Variants in AK4 observed in about 807,000 individuals in gnomAD.
AK4 encodes adenylate kinase 4, mitochondrial.
Under a neutral mutation model 24.6 loss-of-function variants are expected in AK4, and 13 were observed. That is an observed-to-expected ratio of 0.53 (90% CI 0.34 to 0.84). AK4 has a LOEUF of 0.84. Among genes scored for constraint, AK4 ranks in the 40% least tolerant of loss-of-function variants. The probability of loss-of-function intolerance (pLI) is 0.01; values close to 1 mark genes in which losing one functional copy is unlikely to be tolerated. For missense variants in AK4, 192 were observed against 288.2 expected (o/e 0.67, Z 2.42); for synonymous variants, 88 against 107.0 (o/e 0.82, Z 1.10).
intron 1 of AK4, among the ~76,000 whole-genome samples, chr1:65,161,849 T>C (rs542641351): frequency 6.6e-6 from 1 of 152,172 alleles, no homozygotes; most frequent in Non-Finnish European, 1.5e-5. Context: ...GATAGTACAG[T>C]GAGGAAGAGT....
At chr1:65,148,734 G>A (rs1649658557) in intron 1 of AK4, among the ~76,000 whole-genome samples, 182 bp downstream of exon 1, 1 of 151,950 alleles carries the variant, frequency 6.6e-6, no homozygotes, top group African/African-American at 2.4e-5. Context: ...TGGGGAGGAG[G>A]CCGAGGCTCC....
At chr1:65,174,826 A>G (rs1486882944) in intron 1 of AK4, among the ~76,000 whole-genome samples, 2 of 152,248 alleles carry the variant, frequency 1.3e-5, no homozygotes, top group Non-Finnish European at 2.9e-5. Flanking sequence ...CCACAAACCA[A>G]GAATAATAAT....
intron 2 of AK4, among the ~76,000 whole-genome samples, chr1:65,193,031 A>T (rs974509579): frequency 1.3e-5 from 2 of 151,906 alleles, no homozygotes; most frequent in Non-Finnish European, 2.9e-5. Context: ...ACAGTGGCCC[A>T]CTCCCATGGC....
intron 1 of AK4, among the ~76,000 whole-genome samples, chr1:65,180,969 T>C (rs899147733): frequency 6.6e-5 from 10 of 152,108 alleles, no homozygotes; most frequent in Non-Finnish European, 2.9e-5. Flanking sequence ...TTTACAGGAA[T>C]CTTACTCTCA....
At chr1:65,220,279 T>C (rs1652257284) in intron 3 of AK4, among the ~76,000 whole-genome samples, 1 of 152,246 alleles carries the variant, frequency 6.6e-6, no homozygotes, top group South Asian at 2.1e-4. Flanking sequence ...TGTAAGTGTA[T>C]ATTTTAGCTT....
At chr1:65,202,760 C>A (rs1651699175) in intron 2 of AK4, among the ~76,000 whole-genome samples, 1 of 150,768 alleles carries the variant, frequency 6.6e-6, no homozygotes. Context: ...TGTGCACTTA[C>A]AATGCACAAA....
rs58971149 is a variant in AK4, at chr1:65,227,015, GAAAA to G, written c.*849_*852del. ...TGACACTGTTCCTTTCTTTTATTGT[GAAAA>G]AAAAAAAAAACCCTGAAAGTCTTGG... On this transcript the variant is annotated 3_prime_UTR_variant, in exon 5 of 5. Coordinates refer to ENST00000327299, the MANE Select transcript of AK4 (RefSeq NM_013410.4). The G allele has an allele frequency of 2.8e-5, 3 of 109,048 alleles. No individual in the cohort carries two copies. Among genetic ancestry groups the G allele is most frequent in the Non-Finnish European group, 3.8e-5 (2 of 53,172 alleles). The allele number at this position is 109,048 out of a possible 1,614,324, so 6.8% of individuals were successfully genotyped here.
intron 2 of AK4, among the ~76,000 whole-genome samples, chr1:65,216,141 C>T (rs1191698675): frequency 4.7e-4 from 68 of 144,702 alleles, no homozygotes; most frequent in Non-Finnish European, 1.5e-4. Context: ...GATTGCAGTG[C>T]TTTTTTTTTT....
chr1:65,225,931 G>C (rs1652441220), intron 4 of AK4, 132 bp from the exon 5 acceptor site: 4 of 893,008 alleles, frequency 4.5e-6, no homozygotes, highest in Non-Finnish European at 6.9e-6. Flanking sequence ...CTTTGAAAGG[G>C]GCTGTTTTAG....
At chr1:65,152,313 GCTATCTCT>G (rs1371683069) in intron 1 of AK4, among the ~76,000 whole-genome samples, 33 of 62,896 alleles carry the variant, frequency 5.2e-4, no homozygotes, top group African/African-American at 2.1e-3. Context: ...TTCTGCACTT[GCTATCTCT>G]CTCTCTCTCT....
intron 1 of AK4, among the ~76,000 whole-genome samples, chr1:65,152,378 ATATATATTTTTTTTTTTTTT>A (rs1649820237): frequency 5.2e-5 from 3 of 58,204 alleles, no homozygotes; most frequent in African/African-American, 1.8e-4. Context: ...ATATATATAT[ATATATATTTTTTTTTTTTTT>A]TTTTTTTTTT....
Position 65,148,464 on chromosome 1 carries a change from C to T in AK4, c.57C>T (p.Gly19=), listed in dbSNP as rs760851094. Residue 19 remains glycine (G), a synonymous_variant, in exon 1 of 5, where the codon GGC becomes GGT. Coordinates refer to ENST00000327299, the MANE Select transcript of AK4 (RefSeq NM_013410.4). ...VILGPPGSGK[G]TVCQRIAQNF... The stretch of plus-strand genomic sequence containing the variant: ...TCGGGCCGCCCGGCTCGGGCAAGGG[C>T]ACCGTGTGCCAGAGGATCGCCCAGA... 27 of 1,574,714 alleles carry T rather than the reference C, an allele frequency of 1.7e-5. No homozygotes were observed. The highest frequency in any genetic ancestry group is 2.2e-5 in the Non-Finnish European group (25 of 1,161,616).
chr1:65,155,025 A>G (rs576020764), intron 1 of AK4, among the ~76,000 whole-genome samples: 2 of 151,396 alleles, frequency 1.3e-5, no homozygotes, highest in Non-Finnish European at 2.9e-5. Context: ...TAATTTTTGT[A>G]TTTTTAATAG....
intron 1 of AK4, among the ~76,000 whole-genome samples, chr1:65,180,553 C>T (rs528601230): frequency 1.3e-5 from 2 of 152,260 alleles, no homozygotes; most frequent in South Asian, 4.1e-4. Flanking sequence ...AGGACTTTGA[C>T]ATCTATTTTT....
chr1:65,211,668 T>G (rs1423164834), intron 2 of AK4, among the ~76,000 whole-genome samples: 1 of 152,248 alleles, frequency 6.6e-6, no homozygotes, highest in Non-Finnish European at 1.5e-5. Flanking sequence ...TGAGATAATA[T>G]TTACTCATTC....
chr1:65,202,417 TAA>T (rs1358382536), intron 2 of AK4, among the ~76,000 whole-genome samples: 6 of 151,996 alleles, frequency 3.9e-5, no homozygotes, highest in Non-Finnish European at 7.4e-5. Context: ...TAAAATAAAA[TAA>T]AAATTAACTG....
intron 1 of AK4, among the ~76,000 whole-genome samples, chr1:65,178,131 A>G (rs745463568): frequency 3.2e-4 from 48 of 152,208 alleles, no homozygotes; most frequent in Non-Finnish European, 6.0e-4. Flanking sequence ...GAAGAGTTCA[A>G]AGGTATGATA....
intron 1 of AK4, among the ~76,000 whole-genome samples, chr1:65,156,758 C>G (rs996449878): frequency 1.3e-5 from 2 of 151,526 alleles, no homozygotes; most frequent in African/African-American, 4.8e-5. Flanking sequence ...CCCGTCTCTA[C>G]TAAAAATACA....
intron 1 of AK4, among the ~76,000 whole-genome samples, chr1:65,165,747 G>A (rs986321573): frequency 6.6e-6 from 1 of 152,184 alleles, no homozygotes; most frequent in African/African-American, 2.4e-5. Context: ...TGCCACAACA[G>A]TTTAGATGCG....
Sources: allele counts gnomAD v4.1 joint callset (sites outside exome capture counted in the v4.1 genomes callset), GRCh38; gene constraint gnomAD v4.1.1; transcripts MANE v1.5; gene names NCBI Gene and HGNC (gene_info 2026-07-23, HGNC 2026-07-21).